The following KCNB2 variants were observed in gnomAD, a reference collection of about 807,000 sequenced individuals.
KCNB2 encodes delayed rectifier potassium channel protein.
A neutral mutation model predicts 61.5 loss-of-function variants in KCNB2; 15 were observed. The observed-to-expected ratio is 0.24, with a 90% CI of 0.16 to 0.38. The LOEUF (loss-of-function observed/expected upper bound fraction) is 0.38, where lower values mean the gene tolerates loss of function less well. Among genes scored for constraint, KCNB2 ranks in the 10% least tolerant of loss-of-function variants. The pLI is 1.00. For synonymous variants in KCNB2, 457 were observed against 446.0 expected, an observed-to-expected ratio of 1.02 and a Z score of -0.31; for missense variants, 828 against 1,125.2, an observed-to-expected ratio of 0.74 and a Z score of 3.78.
At chr8:72,774,447 T>A (rs1808613494) in intron 2 of KCNB2, among the ~76,000 whole-genome samples, 1 of 152,030 alleles carries the variant, frequency 6.6e-6, no homozygotes, top group East Asian at 1.9e-4. Context: ...GCCTCCCAGG[T>A]TCAAGCAGTT....
At chr8:72,809,785 A>G (rs1809277921) in intron 2 of KCNB2, among the ~76,000 whole-genome samples, 2 of 152,186 alleles carry the variant, frequency 1.3e-5, no homozygotes, top group African/African-American at 4.8e-5. Context: ...AACAAATACC[A>G]AACTGAAATC....
intron 2 of KCNB2, among the ~76,000 whole-genome samples, chr8:72,629,684 G>A (rs950253236): frequency 6.6e-6 from 1 of 152,174 alleles, no homozygotes; most frequent in African/African-American, 2.4e-5. Context: ...GAAAATTGGA[G>A]TGCTGTCACT....
At chr8:72,921,952 T>G (rs1335893443) in intron 2 of KCNB2, among the ~76,000 whole-genome samples, 1 of 152,180 alleles carries the variant, frequency 6.6e-6, no homozygotes, top group African/African-American at 2.4e-5. Context: ...CTTAGCTCTA[T>G]CTCTCATTAA....
intron 2 of KCNB2, among the ~76,000 whole-genome samples, chr8:72,650,106 C>A (rs1157116540): frequency 6.6e-6 from 1 of 152,128 alleles, no homozygotes; most frequent in South Asian, 2.1e-4. Context: ...GTAAACTAGT[C>A]ACTTACATAG....
At chr8:72,713,313 T>C (rs1807359998) in intron 2 of KCNB2, among the ~76,000 whole-genome samples, 2 of 152,166 alleles carry the variant, frequency 1.3e-5, no homozygotes, top group Admixed American at 1.3e-4. Context: ...AAGAGAATAG[T>C]GGTTCTCCCA....
rs1563523650 is a variant in KCNB2, at chr8:72,561,778, G to GACATATAT, written c.-93-5863_-93-5862insCATATATA. Among the ~76,000 whole-genome samples, 108 of 34,316 alleles carry GACATATAT rather than the reference G, an allele frequency of 3.1e-3. 5 individuals are homozygous for GACATATAT. Among genetic ancestry groups the GACATATAT allele is most frequent in the Middle Eastern group, 0.024 (1 of 42 alleles). 22.5% of individuals were successfully genotyped at this position (34,316 alleles called of 152,430 possible). ...ATATATATGGATATATATATATATG[G>GACATATAT]ATATATATATACATATATATATATA... On this transcript the variant is annotated intron_variant, in intron 1 of 2. Transcript: ENST00000523207.
rs532143107 is a variant in KCNB2 at position 72,752,582 on chromosome 8, A to C, written c.580-183353A>C. Among the ~76,000 whole-genome samples the C allele has an allele frequency of 4.6e-5, 7 of 152,302 alleles. No individual in the cohort carries two copies. In the East Asian group the frequency reaches 1.2e-3, roughly 25 times the overall value. On this transcript the variant is annotated intron_variant, in intron 2 of 2. Transcript: ENST00000523207. ...CTCTAGTTCTCAGGCCTTCGGGCTC[A>C]TACTGGAAGTACACCACCAGCTTTC...
intron 2 of KCNB2, among the ~76,000 whole-genome samples, chr8:72,735,256 T>G (rs1199034481): frequency 2.0e-5 from 3 of 152,180 alleles, no homozygotes; most frequent in African/African-American, 4.8e-5. Flanking sequence ...GGAAGTGACT[T>G]TTTTTTATTA....
At chr8:72,574,135 C>T (rs10100786) in intron 2 of KCNB2, among the ~76,000 whole-genome samples, 9,410 of 152,242 alleles carry the variant, frequency 0.062, 437 homozygotes, top group South Asian at 0.18. Flanking sequence ...GAAAATAAAA[C>T]AGTTAAAATA....
intron 2 of KCNB2, among the ~76,000 whole-genome samples, chr8:72,913,767 T>C (rs1351121181): frequency 6.6e-6 from 1 of 152,232 alleles, no homozygotes; most frequent in East Asian, 1.9e-4. Flanking sequence ...CAGATGTTCG[T>C]ATCTCTTCTG....
In KCNB2 at chr8:72,845,176, C is replaced by G. The variant is rs1230700740; in HGVS notation, c.580-90759C>G. On this transcript the variant is annotated intron_variant, in intron 2 of 2. Coordinates refer to ENST00000523207, the MANE Select transcript of KCNB2 (RefSeq NM_004770.3). Reference sequence around the variant, plus strand: ...ATGCTATTCCTTTCTGTTAGTTTTCCTTCTAACCATCATGCCCCTCTGCTG... The same window carrying G: ...ATGCTATTCCTTTCTGTTAGTTTTCGTTCTAACCATCATGCCCCTCTGCTG... Among the ~76,000 whole-genome samples the G allele has an allele frequency of 2.6e-5, 4 of 152,164 alleles. No individual in the cohort carries two copies. The East Asian group carries it at 5.8e-4, about 22-fold the overall frequency.
At chr8:72,873,846 G>A (rs1805658544) in intron 2 of KCNB2, among the ~76,000 whole-genome samples, 1 of 152,226 alleles carries the variant, frequency 6.6e-6, no homozygotes, top group African/African-American at 2.4e-5. Context: ...GTGACTCGCA[G>A]CAAGCAGCAG....
At chr8:72,716,906 A>G (rs1807453722) in intron 2 of KCNB2, among the ~76,000 whole-genome samples, 1 of 152,190 alleles carries the variant, frequency 6.6e-6, no homozygotes, top group Admixed American at 6.5e-5. Flanking sequence ...TTGTATATCT[A>G]GAAAACCCCA....
chr8:72,927,249 T>A (rs966331918), intron 2 of KCNB2, among the ~76,000 whole-genome samples: 6 of 147,382 alleles, frequency 4.1e-5, no homozygotes, highest in African/African-American at 1.5e-4. Context: ...TCCAGAAGTG[T>A]CTCACCCCCA....
intron 2 of KCNB2, among the ~76,000 whole-genome samples, chr8:72,715,993 C>G (rs534140075): frequency 2.0e-5 from 3 of 152,088 alleles, no homozygotes; most frequent in Admixed American, 6.6e-5. Flanking sequence ...ACCACCGATC[C>G]CACAGAAATA....
chr8:72,658,385 T>A (rs569752785), intron 2 of KCNB2, among the ~76,000 whole-genome samples: 1 of 152,314 alleles, frequency 6.6e-6, no homozygotes, highest in East Asian at 1.9e-4. Context: ...TACAATTCTA[T>A]GAAGGCTGAG....
intron 2 of KCNB2, among the ~76,000 whole-genome samples, chr8:72,709,902 G>A (rs1807297352): frequency 6.6e-6 from 1 of 152,162 alleles, no homozygotes; most frequent in Non-Finnish European, 1.5e-5. Context: ...TTCCAAAGAT[G>A]CTTCTTAGAG....
intron 2 of KCNB2, among the ~76,000 whole-genome samples, chr8:72,739,283 C>T (rs1204333075): frequency 6.6e-6 from 1 of 151,434 alleles, no homozygotes; most frequent in African/African-American, 2.4e-5. Context: ...TTATTGAACA[C>T]CTATTATGTG....
At chr8:72,584,351 G>C (rs934598590) in intron 2 of KCNB2, among the ~76,000 whole-genome samples, 1 of 152,140 alleles carries the variant, frequency 6.6e-6, no homozygotes, top group African/African-American at 2.4e-5. Context: ...TTTGGCTCTG[G>C]AACCTGGGAG....
Sources: allele counts gnomAD v4.1 joint callset (sites outside exome capture counted in the v4.1 genomes callset), GRCh38; gene constraint gnomAD v4.1.1; transcripts MANE v1.5; gene names NCBI Gene and HGNC (gene_info 2026-07-23, HGNC 2026-07-21).